NOL10: variants seen among roughly 807,000 people sequenced by gnomAD.
NOL10 encodes nucleolar protein 10.
NOL10 carries 58 observed loss-of-function variants against 103.5 expected under a neutral mutation model. That is an observed-to-expected ratio of 0.56 (90% CI 0.45 to 0.70). The LOEUF is 0.70. NOL10 is among the 30% of genes least tolerant of loss of function. NOL10 has a pLI of 0.00. For synonymous variants in NOL10, 287 were observed against 282.5 expected, an observed-to-expected ratio of 1.02 and a Z score of -0.16; for missense variants, 763 against 807.3, an observed-to-expected ratio of 0.95 and a Z score of 0.67.
At chr2:10,577,099 T>C (rs146211943) in intron 20 of NOL10, among the ~76,000 whole-genome samples, 1 of 152,106 alleles carries the variant, frequency 6.6e-6, no homozygotes, top group African/African-American at 2.4e-5. Flanking sequence ...AAAAAATGGA[T>C]CTTATAAATC....
At chr2:10,594,476 G>A (rs1434319818) in intron 17 of NOL10, among the ~76,000 whole-genome samples, 1 of 152,112 alleles carries the variant, frequency 6.6e-6, no homozygotes, top group Non-Finnish European at 1.5e-5. Context: ...GAATGGAATG[G>A]GGCAGAAAAT....
At chr2:10,684,440 G>T in intron 2 of NOL10, 127 bp downstream of exon 2, 1 of 749,040 alleles carries the variant, frequency 1.3e-6, no homozygotes. Context: ...AAAGGGACAA[G>T]AGCATTCATT....
At chr2:10,687,782 C>T (rs1270782368) in intron 1 of NOL10, among the ~76,000 whole-genome samples, 5 of 152,122 alleles carry the variant, frequency 3.3e-5, no homozygotes, top group South Asian at 2.1e-4. Flanking sequence ...AGTGAAACTC[C>T]GTCTCTACTA....
intron 13 of NOL10, among the ~76,000 whole-genome samples, chr2:10,618,575 C>T (rs1297488878): frequency 6.6e-6 from 1 of 152,108 alleles, no homozygotes; most frequent in Non-Finnish European, 1.5e-5. Flanking sequence ...ATGTGTTTTC[C>T]TATTTTTGTA....
chr2:10,651,914 C>T (rs766804065), intron 12 of NOL10, among the ~76,000 whole-genome samples: 4 of 152,206 alleles, frequency 2.6e-5, no homozygotes, highest in Non-Finnish European at 5.9e-5. Flanking sequence ...TCCAGGGTTT[C>T]TCATCTTTCT....
intron 13 of NOL10, among the ~76,000 whole-genome samples, chr2:10,621,174 TG>T (rs1677122590): frequency 6.6e-6 from 1 of 152,044 alleles, no homozygotes. Context: ...AAAAAGAATA[TG>T]AAGAGCTTTA....
chr2:10,632,484 C>A (rs936746834), intron 13 of NOL10, among the ~76,000 whole-genome samples: 3 of 152,112 alleles, frequency 2.0e-5, no homozygotes, highest in Non-Finnish European at 4.4e-5. Context: ...CTAGAGTACA[C>A]CCTGCAAGAT....
At chr2:10,645,572 T>C (rs201172728) in intron 12 of NOL10, among the ~76,000 whole-genome samples, 1 of 150,560 alleles carries the variant, frequency 6.6e-6, no homozygotes, top group Non-Finnish European at 1.5e-5. Flanking sequence ...CTTGCTCTGT[T>C]GCCCAGGCTG....
chr2:10,629,683 A>C (rs545595474), intron 13 of NOL10, among the ~76,000 whole-genome samples: 1 of 152,254 alleles, frequency 6.6e-6, no homozygotes, highest in African/African-American at 2.4e-5. Context: ...GTCAATGGCA[A>C]AACTAATGGC....
intron 13 of NOL10, among the ~76,000 whole-genome samples, chr2:10,621,696 T>G (rs1410737976): frequency 6.6e-6 from 1 of 152,160 alleles, no homozygotes; most frequent in Non-Finnish European, 1.5e-5. Context: ...TAGAGGGAAG[T>G]ACACTGATAG....
chr2:10,592,506 T>C (rs1456686254), intron 17 of NOL10, among the ~76,000 whole-genome samples: 3 of 152,162 alleles, frequency 2.0e-5, no homozygotes, highest in Admixed American at 6.5e-5. Context: ...GAGGGGGCTA[T>C]GATGTAAATT....
chr2:10,628,250 C>T (rs1677608616), intron 13 of NOL10, among the ~76,000 whole-genome samples: 1 of 152,122 alleles, frequency 6.6e-6, no homozygotes, highest in Non-Finnish European at 1.5e-5. Context: ...CTCCAACTTA[C>T]CACCACTAGC....
intron 9 of NOL10, among the ~76,000 whole-genome samples, chr2:10,661,264 A>C (rs1303762095): frequency 1.3e-5 from 2 of 151,354 alleles, no homozygotes; most frequent in Non-Finnish European, 2.9e-5. Context: ...TAGTAGAGAC[A>C]GGGTTTCTCT....
intron 3 of NOL10, among the ~76,000 whole-genome samples, chr2:10,681,043 C>T (rs754429226): frequency 2.6e-5 from 4 of 152,110 alleles, no homozygotes; most frequent in South Asian, 2.1e-4. Context: ...CTTTGGGGAA[C>T]GACTTAGAAG....
chr2:10,623,708 C>T (rs530992452), intron 13 of NOL10, among the ~76,000 whole-genome samples: 1 of 152,086 alleles, frequency 6.6e-6, no homozygotes, highest in African/African-American at 2.4e-5. Context: ...ACCCAGCCCC[C>T]CAAATACTCA....
chr2:10,593,370 C>G (rs72775341), intron 17 of NOL10, among the ~76,000 whole-genome samples: 3 of 152,070 alleles, frequency 2.0e-5, no homozygotes, highest in African/African-American at 7.2e-5. Flanking sequence ...AACTTCTGAC[C>G]TGGTGATTCG....
At chr2:10,621,808 G>C (rs1384519243) in intron 13 of NOL10, among the ~76,000 whole-genome samples, 1 of 152,150 alleles carries the variant, frequency 6.6e-6, no homozygotes, top group African/African-American at 2.4e-5. Flanking sequence ...GAGGCTTACA[G>C]AAGTTCAACA....
At chr2:10,602,510 T>C (rs1472891598) in intron 16 of NOL10, among the ~76,000 whole-genome samples, 2 of 152,210 alleles carry the variant, frequency 1.3e-5, no homozygotes, top group Non-Finnish European at 2.9e-5. Flanking sequence ...AGGTTTCTAG[T>C]GGAGGTGACA....
At chr2:10,574,646 C>CAAAAAA (rs145471806) in intron 20 of NOL10, among the ~76,000 whole-genome samples, 3 of 116,542 alleles carry the variant, frequency 2.6e-5, no homozygotes, top group African/African-American at 9.8e-5. Flanking sequence ...GACTCTGTCT[C>CAAAAAA]AAAAAAAAAA....
Sources: allele counts gnomAD v4.1 joint callset (sites outside exome capture counted in the v4.1 genomes callset), GRCh38; gene constraint gnomAD v4.1.1; transcripts MANE v1.5; gene names NCBI Gene and HGNC (gene_info 2026-07-23, HGNC 2026-07-21).